WDR72: variants seen among roughly 807,000 people sequenced by gnomAD.
The protein encoded by WDR72 is WD repeat-containing protein 72.
Under a neutral mutation model 124.2 loss-of-function variants are expected in WDR72, and 120 were observed. The ratio of observed to expected loss-of-function variants is 0.97; its 90% confidence interval spans 0.83 to 1.12. The LOEUF is 1.12. Among genes scored for constraint, WDR72 ranks in the 50% most tolerant of loss-of-function variants. The probability of loss-of-function intolerance (pLI) is 0.00; values close to 1 mark genes in which losing one functional copy is unlikely to be tolerated. For synonymous variants in WDR72, 452 were observed against 441.7 expected, an observed-to-expected ratio of 1.02 and a Z score of -0.29; for missense variants, 1,387 against 1,278.8, an observed-to-expected ratio of 1.08 and a Z score of -1.29.
intron 12 of WDR72, among the ~76,000 whole-genome samples, chr15:53,701,275 C>T (rs529137260): frequency 6.6e-6 from 1 of 152,284 alleles, no homozygotes; most frequent in Admixed American, 6.5e-5. Flanking sequence ...GGCACAATAG[C>T]TGATGCCTGT....
chr15:53,623,344 C>A (rs1305123840), intron 14 of WDR72, among the ~76,000 whole-genome samples: 1 of 151,936 alleles, frequency 6.6e-6, no homozygotes, highest in Non-Finnish European at 1.5e-5. Context: ...GTTTAGCTTC[C>A]ATTGATAAGT....
At chr15:53,748,527 T>C (rs575566066) in intron 1 of WDR72, among the ~76,000 whole-genome samples, 3 of 152,302 alleles carry the variant, frequency 2.0e-5, no homozygotes, top group South Asian at 2.1e-4. Flanking sequence ...AAAATCACAT[T>C]GGGAAACGTA....
chr15:53,736,810 G>A (rs1300275149), intron 1 of WDR72, among the ~76,000 whole-genome samples: 1 of 152,056 alleles, frequency 6.6e-6, no homozygotes, highest in East Asian at 1.9e-4. Context: ...AGGGTAGCAC[G>A]TTTACAGGAA....
intron 13 of WDR72, among the ~76,000 whole-genome samples, chr15:53,670,529 AG>A (rs1376174052): frequency 1.3e-5 from 2 of 152,158 alleles, no homozygotes; most frequent in Non-Finnish European, 2.9e-5. Context: ...CTATCTGTCC[AG>A]GGGGACAACA....
intron 13 of WDR72, among the ~76,000 whole-genome samples, chr15:53,688,968 G>T (rs1455849489): frequency 1.3e-5 from 2 of 152,188 alleles, no homozygotes; most frequent in Non-Finnish European, 2.9e-5. Flanking sequence ...ATGGGGAAAG[G>T]ATTCCCTATT....
At chr15:53,649,332 AC>A (rs1273018336) in intron 14 of WDR72, among the ~76,000 whole-genome samples, 7 of 152,156 alleles carry the variant, frequency 4.6e-5, no homozygotes, top group African/African-American at 9.7e-5. Context: ...TTAGAGAAAA[AC>A]ATTGCCAACC....
At chr15:53,640,483 C>T (rs1412311526) in intron 14 of WDR72, among the ~76,000 whole-genome samples, 1 of 152,172 alleles carries the variant, frequency 6.6e-6, no homozygotes, top group Non-Finnish European at 1.5e-5. Flanking sequence ...CATTTCTCCA[C>T]AGATTACAAA....
chr15:53,732,177 G>C (rs12917263), intron 2 of WDR72, among the ~76,000 whole-genome samples: 18,583 of 152,180 alleles, frequency 0.12, 1,497 homozygotes, highest in Middle Eastern at 0.19. Flanking sequence ...TCCTGTAGTA[G>C]AACTGTTCAG....
In WDR72 at chr15:53,692,453, G is replaced by C. The variant is rs1276149353; in HGVS notation, c.1765+7297C>G. 2.0e-5 allele frequency among the ~76,000 whole-genome samples: 3 copies of C among 152,116 alleles called. No homozygotes were observed. In the East Asian group the frequency reaches 5.8e-4, roughly 29 times the overall value. On this transcript the variant is annotated intron_variant, in intron 13 of 19. Coordinates refer to ENST00000360509, the MANE Select transcript of WDR72 (RefSeq NM_182758.4). ...GGATTTATAATAAATAATAGTTAATGTTTATTCAGCCCTCGCTGCCATTAA... is the reference window on the plus strand; with the variant it reads ...GGATTTATAATAAATAATAGTTAATCTTTATTCAGCCCTCGCTGCCATTAA...
At chr15:53,711,234 G>T in intron 8 of WDR72, 102 bp downstream of exon 8, 1 of 1,555,558 alleles carries the variant, frequency 6.4e-7, no homozygotes, top group Non-Finnish European at 8.8e-7. Context: ...GTTTTGTTCT[G>T]GTTTTTGATC....
chr15:53,534,338 C>T (rs1892638967), intron 18 of WDR72, among the ~76,000 whole-genome samples: 1 of 152,132 alleles, frequency 6.6e-6, no homozygotes, highest in Non-Finnish European at 1.5e-5. Flanking sequence ...TTTCCCAACA[C>T]TCACTTTCCT....
chr15:53,635,572 A>C (rs1445025423), intron 14 of WDR72, among the ~76,000 whole-genome samples: 1 of 152,134 alleles, frequency 6.6e-6, no homozygotes, highest in East Asian at 1.9e-4. Flanking sequence ...CATTATCTTA[A>C]GGAAATTAAA....
At chr15:53,676,316 G>A (rs749828682) in intron 13 of WDR72, among the ~76,000 whole-genome samples, 20 of 152,164 alleles carry the variant, frequency 1.3e-4, no homozygotes, top group Non-Finnish European at 2.5e-4. Context: ...AGGGCAAAAG[G>A]AACTTTGCAC....
intron 14 of WDR72, among the ~76,000 whole-genome samples, chr15:53,656,353 C>G (rs566110633): frequency 9.2e-5 from 14 of 151,994 alleles, no homozygotes; most frequent in African/African-American, 3.4e-4. Context: ...TGGGCAAGAA[C>G]GTTAGCTGGA....
intron 13 of WDR72, among the ~76,000 whole-genome samples, chr15:53,672,640 G>A (rs1234354733): frequency 6.6e-6 from 1 of 152,086 alleles, no homozygotes; most frequent in Non-Finnish European, 1.5e-5. Context: ...AGAAGAGCAA[G>A]GCACAGAGTA....
chr15:53,569,247 T>A (rs1465772542), intron 18 of WDR72, among the ~76,000 whole-genome samples: 2 of 151,974 alleles, frequency 1.3e-5, no homozygotes, highest in African/African-American at 4.8e-5. Context: ...GCCTCTACAC[T>A]CCCAGCTTCC....
At chr15:53,711,572 C>T in intron 7 of WDR72, 91 bp from the exon 8 acceptor site, 1 of 1,358,830 alleles carries the variant, frequency 7.4e-7, no homozygotes, top group Non-Finnish European at 1.0e-6. Context: ...AATATAACAA[C>T]ATAGTAAGCG....
chr15:53,545,195 G>A (rs1168940912), intron 18 of WDR72, among the ~76,000 whole-genome samples: 8 of 151,508 alleles, frequency 5.3e-5, no homozygotes, highest in Non-Finnish European at 8.8e-5. Flanking sequence ...AAAAGAGCCC[G>A]CATCGCCACG....
intron 17 of WDR72, among the ~76,000 whole-genome samples, chr15:53,602,363 A>G (rs1416822481): frequency 1.3e-5 from 2 of 152,064 alleles, no homozygotes; most frequent in Non-Finnish European, 2.9e-5. Flanking sequence ...TATGGCACTA[A>G]ATGCCCAGAT....
Sources: allele counts gnomAD v4.1 joint callset (sites outside exome capture counted in the v4.1 genomes callset), GRCh38; gene constraint gnomAD v4.1.1; transcripts MANE v1.5; gene names NCBI Gene and HGNC (gene_info 2026-07-23, HGNC 2026-07-21).